SLC25A48: variants seen among roughly 807,000 people sequenced by gnomAD.
SLC25A48 encodes CTC-321K16.1.
SLC25A48 carries 29 observed loss-of-function variants against 32.2 expected under a neutral mutation model. That is an observed-to-expected ratio of 0.90 (90% CI 0.67 to 1.23). The LOEUF is 1.23. SLC25A48 is among the 50% of genes most tolerant of loss of function. The probability of loss-of-function intolerance (pLI) is 0.00; values close to 1 mark genes in which losing one functional copy is unlikely to be tolerated. For synonymous variants in SLC25A48, 164 were observed against 172.3 expected, an observed-to-expected ratio of 0.95 and a Z score of 0.38; for missense variants, 399 against 422.7, an observed-to-expected ratio of 0.94 and a Z score of 0.49.
intron 3 of SLC25A48, among the ~76,000 whole-genome samples, chr5:135,651,692 T>C (rs1396621466): frequency 1.3e-5 from 2 of 152,214 alleles, no homozygotes; most frequent in Non-Finnish European, 2.9e-5. Flanking sequence ...TATTAAACTT[T>C]TTTTCTGTTT....
At chr5:135,868,677 T>C (rs5027565) in intron 4 of SLC25A48, among the ~76,000 whole-genome samples, 33 of 149,086 alleles carry the variant, frequency 2.2e-4, no homozygotes, top group South Asian at 4.3e-4. Context: ...CACACACACA[T>C]ACACACACAC....
intron 3 of SLC25A48, among the ~76,000 whole-genome samples, chr5:135,667,899 T>C (rs1451781161): frequency 2.0e-5 from 3 of 152,236 alleles, no homozygotes; most frequent in Non-Finnish European, 4.4e-5. Context: ...CATCACTTCC[T>C]GCTTTGACCC....
At chr5:135,856,697 T>C (rs969484866) in intron 4 of SLC25A48, among the ~76,000 whole-genome samples, 1 of 152,182 alleles carries the variant, frequency 6.6e-6, no homozygotes, top group Non-Finnish European at 1.5e-5. Flanking sequence ...GCATATTGGG[T>C]CATGTCTTGG....
intron 3 of SLC25A48, among the ~76,000 whole-genome samples, chr5:135,643,969 C>G (rs1171520108): frequency 3.3e-5 from 5 of 152,142 alleles, no homozygotes; most frequent in Non-Finnish European, 7.4e-5. Context: ...GGTTTAAACT[C>G]CAGAGCCCAC....
Position 135,850,419 on chromosome 5 carries a change from C to T in SLC25A48, c.91-6C>T, listed in dbSNP as rs1456713612. Reference sequence around the variant, plus strand: ...CGCTGACCCATGTCCTTGCCTCTCTCCATAGACTCGCCTGCAGGCTGGCGT... The same window carrying T: ...CGCTGACCCATGTCCTTGCCTCTCTTCATAGACTCGCCTGCAGGCTGGCGT... On this transcript the variant is annotated splice_region_variant and splice_polypyrimidine_tract_variant and intron_variant, in intron 2 of 7. Transcript: ENST00000681962. 2 of 1,614,182 alleles carry T rather than the reference C, an allele frequency of 1.2e-6. No individual in the cohort carries two copies. The highest frequency in any genetic ancestry group is 1.7e-6 in the Non-Finnish European group (2 of 1,180,026).
At chr5:135,654,382 T>C (rs563803774) in intron 3 of SLC25A48, among the ~76,000 whole-genome samples, 4 of 152,292 alleles carry the variant, frequency 2.6e-5, no homozygotes, top group East Asian at 3.9e-4. Flanking sequence ...TTTGTATCAG[T>C]TGGGGTTCAG....
At chr5:135,728,286 A>G (rs1028830120) in intron 3 of SLC25A48, among the ~76,000 whole-genome samples, 3 of 151,908 alleles carry the variant, frequency 2.0e-5, no homozygotes, top group African/African-American at 7.3e-5. Context: ...GGCTTTCTAT[A>G]GTTAGCATGT....
chr5:135,599,452 T>C (rs916609812), intron 1 of SLC25A48, among the ~76,000 whole-genome samples: 4 of 152,198 alleles, frequency 2.6e-5, no homozygotes, highest in Non-Finnish European at 5.9e-5. Flanking sequence ...TTCCCCTTTC[T>C]CTTCTTCCTT....
intron 1 of SLC25A48, among the ~76,000 whole-genome samples, chr5:135,627,575 T>C (rs1280092571): frequency 6.6e-6 from 1 of 152,032 alleles, no homozygotes; most frequent in South Asian, 2.1e-4. Flanking sequence ...AAACCCTTCA[T>C]TAAAGTACTT....
At chr5:135,778,458 T>C (rs1350931267) in intron 3 of SLC25A48, among the ~76,000 whole-genome samples, 2 of 150,700 alleles carry the variant, frequency 1.3e-5, no homozygotes, top group Non-Finnish European at 3.0e-5. Context: ...CCCCACCCCG[T>C]CCCCCCGCTG....
chr5:135,579,416 G>C (rs1278453519), exon 1 of SLC25A48: 4 of 153,352 alleles, frequency 2.6e-5, no homozygotes, highest in African/African-American at 9.6e-5. Context: ...CCAGGCCCAG[G>C]GCTCAGATCC....
chr5:135,770,564 A>C (rs1756381261), intron 3 of SLC25A48, among the ~76,000 whole-genome samples: 1 of 151,660 alleles, frequency 6.6e-6, no homozygotes, highest in African/African-American at 2.4e-5. Context: ...TGTTACCCCA[A>C]TATGGCAGGG....
At chr5:135,775,726 G>C (rs1756539271) in intron 3 of SLC25A48, among the ~76,000 whole-genome samples, 2 of 151,850 alleles carry the variant, frequency 1.3e-5, no homozygotes, top group South Asian at 4.2e-4. Context: ...TAATATCCAG[G>C]GGGGAAGGGA....
intron 3 of SLC25A48, among the ~76,000 whole-genome samples, chr5:135,771,685 C>T (rs1019973020): frequency 6.6e-6 from 1 of 151,130 alleles, no homozygotes; most frequent in Non-Finnish European, 1.5e-5. Context: ...GATATTACTC[C>T]CAATATTGCT....
At chr5:135,700,245 G>C in intron 3 of SLC25A48, among the ~76,000 whole-genome samples, 1 of 151,754 alleles carries the variant, frequency 6.6e-6, no homozygotes, top group African/African-American at 2.4e-5. Flanking sequence ...GGTGGCGTGT[G>C]CCTGTAATCC....
intron 1 of SLC25A48, among the ~76,000 whole-genome samples, chr5:135,628,963 A>G (rs1237634155): frequency 6.6e-6 from 1 of 152,234 alleles, no homozygotes; most frequent in Non-Finnish European, 1.5e-5. Flanking sequence ...AGACAAGGAT[A>G]TATGTCCACA....
chr5:135,867,557 C>A (rs776771814), intron 4 of SLC25A48, among the ~76,000 whole-genome samples: 1 of 152,130 alleles, frequency 6.6e-6, no homozygotes, highest in Non-Finnish European at 1.5e-5. Context: ...ACCACATGGG[C>A]CACTGGCGGA....
chr5:135,741,299 T>C (rs1308713199), intron 3 of SLC25A48, among the ~76,000 whole-genome samples: 3 of 152,210 alleles, frequency 2.0e-5, no homozygotes, highest in African/African-American at 7.2e-5. Context: ...TGAATTTTCA[T>C]GCTCATCTGT....
intron 2 of SLC25A48, 30 bp from the exon 3 acceptor site, chr5:135,850,395 G>T: frequency 6.2e-7 from 1 of 1,612,624 alleles, no homozygotes; most frequent in Non-Finnish European, 8.5e-7. Flanking sequence ...TAACCTCTGC[G>T]CTGACCCATG....
Sources: allele counts gnomAD v4.1 joint callset (sites outside exome capture counted in the v4.1 genomes callset), GRCh38; gene constraint gnomAD v4.1.1; transcripts MANE v1.5; gene names NCBI Gene and HGNC (gene_info 2026-07-23, HGNC 2026-07-21).